HAUS6: variants seen among roughly 807,000 people sequenced by gnomAD.
HAUS6 encodes HAUS augmin-like complex subunit 6.
A neutral mutation model predicts 106.8 loss-of-function variants in HAUS6; 80 were observed. That is an observed-to-expected ratio of 0.75 (90% CI 0.63 to 0.90). The LOEUF (loss-of-function observed/expected upper bound fraction) is 0.90. Among genes scored for constraint, HAUS6 ranks in the 40% least tolerant of loss-of-function variants. HAUS6 has a pLI of 0.00. For missense variants in HAUS6, 1,155 were observed against 1,118.1 expected (o/e 1.03, Z -0.47); for synonymous variants, 356 against 379.1 (o/e 0.94, Z 0.71).
chr9:19,101,576 G>A (rs556167080), intron 1 of HAUS6, among the ~76,000 whole-genome samples: 103 of 148,998 alleles, frequency 6.9e-4, no homozygotes, highest in South Asian at 2.1e-3. Flanking sequence ...CAGGAATTTT[G>A]AGACCAGCCT....
chr9:19,075,191 C>G (rs1203466574), intron 11 of HAUS6, among the ~76,000 whole-genome samples: 1 of 152,026 alleles, frequency 6.6e-6, no homozygotes, highest in East Asian at 1.9e-4. Flanking sequence ...ACAGGGAAAT[C>G]TGGAGACAGA....
chr9:19,063,582 TA>T lies in HAUS6; in HGVS notation c.1377-3del. On this transcript the variant is annotated splice_polypyrimidine_tract_variant and splice_region_variant and intron_variant, in intron 12 of 16. Coordinates refer to ENST00000380502, the MANE Select transcript of HAUS6 (RefSeq NM_017645.5). The stretch of plus-strand genomic sequence containing the variant: ...GACTGCGACAAGAAAGAGGCAGGGC[TA>T]AAAGGAAAAAAGACAACAAATCCAA... The T allele has an allele frequency of 6.3e-7, 1 of 1,599,484 alleles. No individual in the cohort carries two copies. Among genetic ancestry groups the T allele is most frequent in the Non-Finnish European group, 8.6e-7 (1 of 1,166,728 alleles).
At chr9:19,063,972 T>TTTA (rs201802610) in intron 12 of HAUS6, among the ~76,000 whole-genome samples, 19,651 of 148,180 alleles carry the variant, frequency 0.13, 2,038 homozygotes, top group African/African-American at 0.29. Flanking sequence ...TTTATTTTAT[T>TTTA]TTTTTTTTTT....
At chr9:19,082,689 T>C (rs368349108) in intron 8 of HAUS6, among the ~76,000 whole-genome samples, 184 bp downstream of exon 8, 289 of 151,810 alleles carry the variant, frequency 1.9e-3, no homozygotes, top group African/African-American at 6.8e-3. Flanking sequence ...GAGGTTGCAG[T>C]GAGCTGAAAC....
rs1434251332 is a variant in HAUS6, at chr9:19,087,142, T to C, written c.599A>G (p.Gln200Arg). ...ACATTCAGATCTCAAGTTTCGTACC[T>C]GCTTAACTGATAATCTGCAAGAAAA... ...YQENAQLSVK[Q>R]VRNLRSECIG... The change falls in exon 6 of 17, where the codon CAG becomes CGG. Residue 200 changes from glutamine (Q) to arginine (R), a missense_variant. Gln to Arg is a conservative substitution (Grantham distance 43). Around this residue, in one of 3 missense-constraint regions of HAUS6, gnomAD observed 761 missense variants for 690.0 expected, o/e 1.10. Transcript: ENST00000380502. 6.6e-7 allele frequency: 1 copy of C among 1,511,072 alleles called. No homozygotes were observed. The highest frequency in any genetic ancestry group is 1.7e-5 in the Admixed American group (1 of 59,802). 93.6% of individuals were successfully genotyped at this position (1,511,072 alleles called of 1,614,324 possible).
chr9:19,099,084 AT>A (rs757888358), intron 1 of HAUS6, among the ~76,000 whole-genome samples: 3 of 151,664 alleles, frequency 2.0e-5, no homozygotes, highest in Admixed American at 6.6e-5. Context: ...AAACAAAAAA[AT>A]CATAAACTGC....
intron 12 of HAUS6, among the ~76,000 whole-genome samples, chr9:19,065,500 T>C (rs1220906645): frequency 7.7e-6 from 1 of 129,694 alleles, no homozygotes; most frequent in Non-Finnish European, 1.6e-5. Context: ...TATTTAAACA[T>C]ACAGACAGCC....
intron 11 of HAUS6, chr9:19,074,006 G>A (rs1311750857): frequency 2.6e-5 from 4 of 152,294 alleles, no homozygotes; most frequent in African/African-American, 9.6e-5. Flanking sequence ...CCAGCACTTT[G>A]GGAGGCTAGG....
chr9:19,072,731 A>C (rs1008576885), intron 11 of HAUS6, among the ~76,000 whole-genome samples: 1 of 152,206 alleles, frequency 6.6e-6, no homozygotes, highest in African/African-American at 2.4e-5. Flanking sequence ...CCAAGAACTA[A>C]GCATATACTT....
intron 9 of HAUS6, among the ~76,000 whole-genome samples, chr9:19,078,658 G>A (rs1837065635): frequency 6.6e-6 from 1 of 151,294 alleles, no homozygotes; most frequent in South Asian, 2.1e-4. Flanking sequence ...CGTAGGGGTG[G>A]GTGCCTGTAA....
intron 9 of HAUS6, 70 bp downstream of exon 9, chr9:19,080,409 C>A (rs1229867506): frequency 1.8e-5 from 17 of 943,712 alleles, no homozygotes; most frequent in Non-Finnish European, 2.9e-5. Flanking sequence ...AGCTATTAAA[C>A]TTATACAAGT....
intron 11 of HAUS6, among the ~76,000 whole-genome samples, chr9:19,073,197 A>C (rs529156059): frequency 6.6e-6 from 1 of 152,284 alleles, no homozygotes; most frequent in South Asian, 2.1e-4. Context: ...TAAAAAACCT[A>C]AAGTGAATAT....
At chr9:19,087,177 T>C in intron 5 of HAUS6, 21 bp from the exon 6 acceptor site, 4 of 1,306,604 alleles carry the variant, frequency 3.1e-6, no homozygotes, top group Non-Finnish European at 4.4e-6. Context: ...ACATACAAAA[T>C]GACAACTATA....
intron 1 of HAUS6, among the ~76,000 whole-genome samples, chr9:19,099,112 A>G (rs185780034): frequency 8.6e-5 from 13 of 151,518 alleles, no homozygotes; most frequent in Non-Finnish European, 1.5e-4. Context: ...AAGAGAACGT[A>G]TACGTATAAA....
intron 12 of HAUS6, among the ~76,000 whole-genome samples, chr9:19,066,291 G>C (rs866633907): frequency 2.6e-5 from 4 of 152,164 alleles, no homozygotes; most frequent in Non-Finnish European, 5.9e-5. Context: ...TTGGCGGGGC[G>C]GGGGAGGGAG....
intron 4 of HAUS6, among the ~76,000 whole-genome samples, chr9:19,091,944 G>T (rs1411455383): frequency 1.3e-5 from 2 of 152,032 alleles, no homozygotes; most frequent in African/African-American, 4.8e-5. Flanking sequence ...TTACAGGCAT[G>T]AGCCACCACA....
At chr9:19,095,452 T>C (rs575396230) in intron 2 of HAUS6, among the ~76,000 whole-genome samples, 2 of 152,076 alleles carry the variant, frequency 1.3e-5, no homozygotes, top group African/African-American at 4.8e-5. Context: ...AATTTTTACA[T>C]TTTCCTATAT....
chr9:19,070,595 T>C (rs765914060), intron 11 of HAUS6, among the ~76,000 whole-genome samples: 16 of 152,144 alleles, frequency 1.1e-4, no homozygotes, highest in Non-Finnish European at 2.4e-4. Context: ...CATACACAGA[T>C]CATGAGATTA....
chr9:19,076,764 ATACTGAGTTAATC>A (rs1445524088), intron 10 of HAUS6, 60 bp from the exon 11 acceptor site: 2 of 760,614 alleles, frequency 2.6e-6, no homozygotes, highest in Non-Finnish European at 4.7e-6. Flanking sequence ...CACAATAACA[ATACTGAGTTAATC>A]TATGAATAGA....
Sources: gnomAD v4.1 joint callset for allele counts (sites outside exome capture counted in the v4.1 genomes callset) on GRCh38, gnomAD v4.1.1 for gene constraint, gnomAD v4.1.1 regional missense constraint, MANE v1.5 for transcripts, NCBI Gene and HGNC (gene_info 2026-07-23, HGNC 2026-07-21) for gene names.